Variants in ZSCAN4 observed in about 807,000 individuals in gnomAD.
ZSCAN4 encodes zinc finger and SCAN domain containing 4.
Under a neutral mutation model 18.3 loss-of-function variants are expected in ZSCAN4, and 18 were observed. The observed-to-expected ratio is 0.98, with a 90% CI of 0.68 to 1.46. The LOEUF is 1.46. Among genes scored for constraint, ZSCAN4 ranks in the 40% most tolerant of loss-of-function variants. The pLI is 0.00. For missense variants in ZSCAN4, 498 were observed against 511.4 expected, an observed-to-expected ratio of 0.97 and a Z score of 0.25; for synonymous variants, 193 against 180.3, an observed-to-expected ratio of 1.07 and a Z score of -0.57.
At chr19:57,667,883 TTTTGTTTGTTTTTTGTTTG>T (rs1042214090), upstream of ZSCAN4, among the ~76,000 whole-genome samples, 1 of 122,212 alleles carries the variant, frequency 8.2e-6, no homozygotes, top group African/African-American at 3.1e-5. Context: ...ATTGTTTTTT[TTTTGTTTGTTTTTTGTTTG>T]TTTGTTTGTT....
upstream of ZSCAN4, among the ~76,000 whole-genome samples, chr19:57,666,805 C>G (rs1045135823): frequency 6.6e-6 from 1 of 152,118 alleles, no homozygotes; most frequent in Non-Finnish European, 1.5e-5. Context: ...GAGCCAAGAT[C>G]GTGCCACTGC....
chr19:57,676,940 G>A (rs184060463), intron 3 of ZSCAN4, among the ~76,000 whole-genome samples: 4 of 152,168 alleles, frequency 2.6e-5, no homozygotes, highest in East Asian at 1.9e-4. Context: ...CACCAAGGCC[G>A]GCTAATTTTT....
chr19:57,663,417 G>T, the ZSCAN4 span, among the ~76,000 whole-genome samples: 2 of 148,908 alleles, frequency 1.3e-5, no homozygotes, highest in African/African-American at 2.5e-5. Context: ...GGGGGCGAGT[G>T]GCTCACGCCT....
At chr19:57,676,377 C>T in exon 3 of ZSCAN4, 5 of 1,614,154 alleles carry the variant, frequency 3.1e-6, no homozygotes, top group Non-Finnish European at 4.2e-6. Context: ...ACCAGAAAAG[C>T]ACAGCAAGGA....
At chr19:57,654,943 C>A in the ZSCAN4 span, among the ~76,000 whole-genome samples, 1 of 152,192 alleles carries the variant, frequency 6.6e-6, no homozygotes, top group East Asian at 1.9e-4. Flanking sequence ...TCCTCCAATA[C>A]ATCAATAACA....
At chr19:57,652,417 G>T in the ZSCAN4 span, among the ~76,000 whole-genome samples, 1 of 152,012 alleles carries the variant, frequency 6.6e-6, no homozygotes, top group Non-Finnish European at 1.5e-5. Context: ...TCTGTTTGTG[G>T]TCCTCTCTCT....
upstream of ZSCAN4, among the ~76,000 whole-genome samples, chr19:57,668,693 C>T (rs113550064): frequency 1.8e-4 from 27 of 152,286 alleles, 1 homozygote; most frequent in African/African-American, 6.0e-4. Flanking sequence ...GGTGACCAGG[C>T]GCTTCTCACC....
intron 2 of ZSCAN4, among the ~76,000 whole-genome samples, chr19:57,670,805 G>A (rs139897917): frequency 1.3e-5 from 2 of 152,176 alleles, no homozygotes; most frequent in East Asian, 3.9e-4. Flanking sequence ...CTGTATAAAG[G>A]CCTGGTGTGA....
exon 4 of ZSCAN4, chr19:57,678,033 G>A (rs1339416962): frequency 5.6e-6 from 9 of 1,595,484 alleles, no homozygotes; most frequent in East Asian, 2.2e-5. Flanking sequence ...CAAACATGGG[G>A]ACACCCTCCC....
chr19:57,657,323 C>T, the ZSCAN4 span, among the ~76,000 whole-genome samples: 1 of 147,852 alleles, frequency 6.8e-6, no homozygotes, highest in Non-Finnish European at 1.5e-5. Flanking sequence ...AATATTTGAA[C>T]ACATTTTTCA....
the ZSCAN4 span, among the ~76,000 whole-genome samples, chr19:57,662,139 TTAATTA>T: frequency 6.6e-6 from 1 of 151,486 alleles, no homozygotes; most frequent in Non-Finnish European, 1.5e-5. Flanking sequence ...TAAATCATGT[TTAATTA>T]TAGTTTATGA....
intron 2 of ZSCAN4, among the ~76,000 whole-genome samples, chr19:57,673,323 G>A (rs908909917): frequency 5.9e-5 from 9 of 151,840 alleles, no homozygotes; most frequent in Admixed American, 3.9e-4. Context: ...CACCGTGCCC[G>A]GCCACATATT....
upstream of ZSCAN4, among the ~76,000 whole-genome samples, chr19:57,668,695 C>T (rs1413547630): frequency 2.6e-5 from 4 of 152,182 alleles, no homozygotes; most frequent in Admixed American, 6.5e-5. Context: ...TGACCAGGCG[C>T]TTCTCACCAT....
At chr19:57,667,208 G>C (rs59650652), upstream of ZSCAN4, among the ~76,000 whole-genome samples, 6,665 of 152,264 alleles carry the variant, frequency 0.044, 457 homozygotes, top group African/African-American at 0.15. Context: ...CTATGCCTAA[G>C]TTGGGGTATC....
At chr19:57,659,750 T>G in the ZSCAN4 span, among the ~76,000 whole-genome samples, 1 of 152,164 alleles carries the variant, frequency 6.6e-6, no homozygotes, top group Admixed American at 6.5e-5. Context: ...CGGCCAGGAA[T>G]CCAGCAGAGC....
At position 57,678,009 on chromosome 19, in the gene ZSCAN4, A is replaced by G. The variant is rs565172242; in HGVS notation, c.492A>G (p.Gln164=). The G allele has an allele frequency of 8.1e-6, 13 of 1,602,804 alleles. No individual in the cohort carries two copies. In the East Asian group the frequency reaches 2.9e-4, roughly 36 times the overall value. The change falls in exon 4 of 5, where the codon CAA becomes CAG. Residue 164 remains glutamine (Q), a synonymous_variant. Transcript: ENST00000318203. Reference sequence around the variant, plus strand: ...ATCTCACAAAACAAGTGAATGCCCAAACCACAAGAGAAGCAAACATGGGGA... The same window carrying G: ...ATCTCACAAAACAAGTGAATGCCCAGACCACAAGAGAAGCAAACATGGGGA...
At chr19:57,669,432 T>G (rs909511718) in intron 1 of ZSCAN4, among the ~76,000 whole-genome samples, 2 of 151,872 alleles carry the variant, frequency 1.3e-5, no homozygotes, top group Non-Finnish European at 2.9e-5. Context: ...GTGTGTTTGT[T>G]TGTTTGTTGG....
chr19:57,676,564 T>G lies in ZSCAN4; in HGVS notation c.396+23T>G, dbSNP rs773249320. Reference sequence around the variant, plus strand: ...TTAGTGAGTACAGGGTTCTAACTTCTGGGATGAGAGACAAAGGAAAGTAAG... The same window carrying G: ...TTAGTGAGTACAGGGTTCTAACTTCGGGGATGAGAGACAAAGGAAAGTAAG... On this transcript the variant is annotated intron_variant, in intron 3 of 4. Transcript: ENST00000318203. The G allele has an allele frequency of 2.5e-6, 4 of 1,571,896 alleles. No homozygotes were observed. The South Asian group carries it at 4.7e-5, about 18-fold the overall frequency.
chr19:57,654,333 C>T, the ZSCAN4 span, among the ~76,000 whole-genome samples: 1 of 151,472 alleles, frequency 6.6e-6, no homozygotes, highest in Non-Finnish European at 1.5e-5. Context: ...GGACACTTCC[C>T]TCTCCTCTCC....
Sources: gnomAD v4.1 joint callset for allele counts (sites outside exome capture counted in the v4.1 genomes callset) on GRCh38, gnomAD v4.1.1 for gene constraint, MANE v1.5 for transcripts, NCBI Gene and HGNC (gene_info 2026-07-23, HGNC 2026-07-21) for gene names.